Variants in SNRK observed in about 807,000 individuals in gnomAD.
SNRK encodes the protein SNF related kinase.
SNRK carries 3 observed loss-of-function variants against 48.2 expected under a neutral mutation model. That is an observed-to-expected ratio of 0.06 (90% CI 0.03 to 0.16). The LOEUF (loss-of-function observed/expected upper bound fraction) is 0.16, where lower values mean the gene tolerates loss of function less well. SNRK is among the 10% of genes least tolerant of loss of function. SNRK has a pLI of 1.00. For synonymous variants in SNRK, 376 were observed against 366.1 expected, an observed-to-expected ratio of 1.03 and a Z score of -0.31; for missense variants, 627 against 976.0, an observed-to-expected ratio of 0.64 and a Z score of 4.76.
chr3:43,331,645 T>C (rs144685263), intron 3 of SNRK, among the ~76,000 whole-genome samples: 197 of 152,324 alleles, frequency 1.3e-3, no homozygotes, highest in African/African-American at 4.6e-3. Flanking sequence ...TTTTTCCTGA[T>C]TGACTATATT....
At position 43,350,193 on chromosome 3, in the gene SNRK, C is replaced by T. The variant is rs562138715; in HGVS notation, c.*1636C>T. On this transcript the variant is annotated 3_prime_UTR_variant, in exon 7 of 7. Coordinates refer to ENST00000296088, the MANE Select transcript of SNRK (RefSeq NM_017719.5). ...GATGTTTTAAGCTACAGCTCTAGTT[C>T]ATTGTGATATTTATAATTTGAAAGC... is the stretch of plus-strand genomic sequence containing the variant. 6.5e-6 allele frequency: 1 copy of T among 152,696 alleles called. No individual in the cohort carries two copies. Among genetic ancestry groups the T allele is most frequent in the Non-Finnish European group, 1.5e-5 (1 of 68,022 alleles). The allele number at this position is 152,696 out of a possible 1,614,324, so 9.5% of individuals were successfully genotyped here.
At position 43,317,407 on chromosome 3, in the gene SNRK, G is replaced by A. The variant is rs141643176; in HGVS notation, c.589+13615G>A. Among the ~76,000 whole-genome samples the A allele has an allele frequency of 2.0e-5, 3 of 152,322 alleles. No homozygotes were observed. In the East Asian group the frequency reaches 5.8e-4, roughly 29 times the overall value. On this transcript the variant is annotated intron_variant, in intron 3 of 6. Coordinates refer to ENST00000296088, the MANE Select transcript of SNRK (RefSeq NM_017719.5). The stretch of plus-strand genomic sequence containing the variant: ...TGTAAGGAGAGAATTCCTTGGGTCA[G>A]CAGACTGAGGTAGCAGTTTCAGGTA...
intron 3 of SNRK, among the ~76,000 whole-genome samples, chr3:43,305,450 G>C (rs980424176): frequency 1.7e-4 from 26 of 151,136 alleles, no homozygotes; most frequent in Non-Finnish European, 3.4e-4. Context: ...AAAGCAAATT[G>C]ATGAAGAGTA....
intron 5 of SNRK, among the ~76,000 whole-genome samples, chr3:43,341,071 C>T (rs141318609): frequency 6.6e-6 from 1 of 152,240 alleles, no homozygotes; most frequent in African/African-American, 2.4e-5. Flanking sequence ...CTTGAGAGCC[C>T]CTGCTGCAGC....
intron 1 of SNRK, among the ~76,000 whole-genome samples, chr3:43,290,940 A>G (rs1325810747): frequency 6.6e-6 from 1 of 152,192 alleles, no homozygotes. Context: ...ACAGTCACAC[A>G]AATAATTATA....
rs950969543 is a variant in SNRK at position 43,350,220 on chromosome 3, A to G, written c.*1663A>G. 6.6e-6 allele frequency: 1 copy of G among 152,666 alleles called. No individual in the cohort carries two copies. The highest frequency in any genetic ancestry group is 1.5e-5 in the Non-Finnish European group (1 of 68,040). The allele number at this position is 152,666 out of a possible 1,614,324, so 9.5% of individuals were successfully genotyped here. On this transcript the variant is annotated 3_prime_UTR_variant, in exon 7 of 7. Transcript: ENST00000296088. ...TTGTGATATTTATAATTTGAAAGCT[A>G]TGAGAATAGATGTGTGGGTGAAGCC... is the stretch of plus-strand genomic sequence containing the variant.
chr3:43,303,288 G>C lies in SNRK; in HGVS notation c.85G>C (p.Val29Leu). 1 of 1,614,154 alleles carries C rather than the reference G, an allele frequency of 6.2e-7. No individual in the cohort carries two copies. Among genetic ancestry groups the C allele is most frequent in the Non-Finnish European group, 8.5e-7 (1 of 1,180,024 alleles). Residue 29 changes from valine to leucine, a missense_variant, in exon 3 of 7, where the codon GTG (valine) becomes CTG (leucine). This residue lies in a region of SNRK where 147 missense variants were observed against 356.8 expected (regional missense o/e 0.41). Coordinates refer to ENST00000296088, the MANE Select transcript of SNRK (RefSeq NM_017719.5). The surrounding 1 kb of genome is among the most constrained non-coding windows in gnomAD (Gnocchi z 6.2). ...DKTLGRGHFA[V>L]VKLARHVFTG... ...AACCTTGGGTCGAGGCCATTTTGCC[G>C]TGGTTAAACTTGCCAGGCATGTCTT...
intron 3 of SNRK, among the ~76,000 whole-genome samples, chr3:43,325,786 C>A (rs2091092497): frequency 6.6e-6 from 1 of 152,112 alleles, no homozygotes; most frequent in South Asian, 2.1e-4. Flanking sequence ...CACTCTGTAT[C>A]CCTGGTGAAG....
intron 3 of SNRK, among the ~76,000 whole-genome samples, chr3:43,313,844 A>G (rs182450815): frequency 6.6e-6 from 1 of 152,340 alleles, no homozygotes; most frequent in African/African-American, 2.4e-5. Context: ...TTGTGAATCT[A>G]TAATTATTTC....
At chr3:43,335,506 G>GC (rs1224337040) in intron 4 of SNRK, among the ~76,000 whole-genome samples, 12 of 152,094 alleles carry the variant, frequency 7.9e-5, no homozygotes, top group Non-Finnish European at 1.5e-4. Context: ...TTATGGCCTA[G>GC]CATAAGGTCT....
intron 4 of SNRK, among the ~76,000 whole-genome samples, chr3:43,335,061 T>C (rs752437945): frequency 6.6e-6 from 1 of 152,226 alleles, no homozygotes; most frequent in African/African-American, 2.4e-5. Flanking sequence ...TTGCTTTTAT[T>C]AACAATTATA....
At chr3:43,286,935 C>T (rs1186258663) in intron 1 of SNRK, among the ~76,000 whole-genome samples, 1 of 145,758 alleles carries the variant, frequency 6.9e-6, no homozygotes, top group Non-Finnish European at 1.5e-5. Context: ...CGGGAGCCGT[C>T]ACTGCGGCGG....
In SNRK at chr3:43,330,712, A is replaced by T. The variant is rs1367421673; in HGVS notation, c.590-1457A>T. Among the ~76,000 whole-genome samples the T allele has an allele frequency of 5.9e-5, 9 of 152,226 alleles. No individual in the cohort carries two copies. In the East Asian group the frequency reaches 1.5e-3, roughly 26 times the overall value. The stretch of plus-strand genomic sequence containing the variant: ...AAAGAAATGACAGTGAATGGAGTGG[A>T]CTCCTGAGTCAGCTTGCTGTCCTAG... On this transcript the variant is annotated intron_variant, in intron 3 of 6. Coordinates refer to ENST00000296088, the MANE Select transcript of SNRK (RefSeq NM_017719.5).
rs534220239 is a variant in SNRK, at chr3:43,305,103, C to T, written c.589+1311C>T. 6.6e-5 allele frequency among the ~76,000 whole-genome samples: 10 copies of T among 152,266 alleles called. No individual in the cohort carries two copies. The South Asian group carries it at 8.3e-4, about 13-fold the overall frequency. Reference sequence around the variant, plus strand: ...TTAAATCTATTAAAAATAAGATACTCTTTCATACTTTTCACATTGGGAAAA... The same window carrying T: ...TTAAATCTATTAAAAATAAGATACTTTTTCATACTTTTCACATTGGGAAAA... On this transcript the variant is annotated intron_variant, in intron 3 of 6. Transcript: ENST00000296088.
chr3:43,290,285 G>C (rs1225610485), intron 1 of SNRK, among the ~76,000 whole-genome samples: 2 of 152,188 alleles, frequency 1.3e-5, no homozygotes, highest in Non-Finnish European at 2.9e-5. Flanking sequence ...GATTTTATCA[G>C]CTTGTTATGG....
At chr3:43,330,814 G>C (rs1477624641) in intron 3 of SNRK, among the ~76,000 whole-genome samples, 2 of 152,142 alleles carry the variant, frequency 1.3e-5, no homozygotes, top group Non-Finnish European at 2.9e-5. Context: ...TGGACTGAAT[G>C]ATCCATAGGT....
At chr3:43,345,158 T>C (rs1033151295) in intron 6 of SNRK, among the ~76,000 whole-genome samples, 1 of 152,240 alleles carries the variant, frequency 6.6e-6, no homozygotes, top group Non-Finnish European at 1.5e-5. Flanking sequence ...TTTGCTGTCA[T>C]GGAGACTCTG....
chr3:43,346,798 T>G (rs1417687696), intron 6 of SNRK: 1 of 152,208 alleles, frequency 6.6e-6, no homozygotes, highest in African/African-American at 2.4e-5. Context: ...GAAGAGATTT[T>G]TATATGTTTT....
chr3:43,347,443 C>G lies in SNRK; in HGVS notation c.1184C>G (p.Ala395Gly). The G allele has an allele frequency of 2.5e-6, 4 of 1,614,080 alleles. No individual in the cohort carries two copies. The highest frequency in any genetic ancestry group is 3.4e-6 in the Non-Finnish European group (4 of 1,180,030). ...ATVPQSPARAADSVLNGHRSK... is the reference protein window; with the variant it reads ...ATVPQSPARAGDSVLNGHRSK... ...GTCCCTCAGTCTCCTGCTCGGGCTG[C>G]TGACAGTGTCCTCAATGGCCACAGG... The change falls in exon 7 of 7, where the codon GCT (alanine) becomes GGT (glycine). Residue 395 changes from alanine (A) to glycine (G), a missense_variant. Coordinates refer to ENST00000296088, the MANE Select transcript of SNRK (RefSeq NM_017719.5). The surrounding 1 kb of genome is among the most constrained non-coding windows in gnomAD (Gnocchi z 5.4).
Sources: gnomAD v4.1 joint callset for allele counts (sites outside exome capture counted in the v4.1 genomes callset) on GRCh38, gnomAD v4.1.1 for gene constraint, gnomAD v4.1.1 regional missense constraint, Gnocchi (gnomAD v3.1) non-coding constraint, MANE v1.5 for transcripts, NCBI Gene and HGNC (gene_info 2026-07-23, HGNC 2026-07-21) for gene names.